ARFGEF2: variants seen among roughly 807,000 people sequenced by gnomAD.
The protein encoded by ARFGEF2 is brefeldin A-inhibited guanine nucleotide-exchange protein 2.
A neutral mutation model predicts 219.9 loss-of-function variants in ARFGEF2; 74 were observed. The observed-to-expected ratio is 0.34, with a 90% CI of 0.28 to 0.41. The LOEUF is 0.41. ARFGEF2 is among the 10% of genes least tolerant of loss of function. The probability of loss-of-function intolerance (pLI) is 1.00; values close to 1 mark genes in which losing one functional copy is unlikely to be tolerated. For missense variants in ARFGEF2, 1,743 were observed against 2,218.3 expected (o/e 0.79, Z 4.30); for synonymous variants, 733 against 799.2 (o/e 0.92, Z 1.40).
At chr20:48,978,339 T>C (rs1200180065) in intron 14 of ARFGEF2, among the ~76,000 whole-genome samples, 1 of 152,246 alleles carries the variant, frequency 6.6e-6, no homozygotes, top group Non-Finnish European at 1.5e-5. Flanking sequence ...TCTGTCTCTC[T>C]GTTTTGGTAC....
chr20:49,012,668 G>A (rs529857224), intron 28 of ARFGEF2, among the ~76,000 whole-genome samples: 1 of 152,250 alleles, frequency 6.6e-6, no homozygotes, highest in African/African-American at 2.4e-5. Flanking sequence ...CTATAAACCT[G>A]TAAGGTGATA....
chr20:48,926,650 G>T (rs985081599), intron 1 of ARFGEF2, among the ~76,000 whole-genome samples: 1 of 152,006 alleles, frequency 6.6e-6, no homozygotes, highest in African/African-American at 2.4e-5. Context: ...TAGAGACGGG[G>T]TTTTTCTGTT....
intron 20 of ARFGEF2, 90 bp from the exon 21 acceptor site, chr20:48,990,950 C>A: frequency 1.4e-6 from 2 of 1,412,288 alleles, no homozygotes; most frequent in Non-Finnish European, 2.0e-6. Context: ...CAAAAAGTAT[C>A]AGAGAAGCCC....
Position 48,976,089 on chromosome 20 carries a change from G to C in ARFGEF2, c.1848G>C (p.Thr616=), listed in dbSNP as rs1447634910. 1 of 1,613,366 alleles carries C rather than the reference G, an allele frequency of 6.2e-7. No homozygotes were observed. The highest frequency in any genetic ancestry group is 1.1e-5 in the South Asian group (1 of 91,044). Residue 616 remains threonine, a synonymous_variant, in exon 14 of 39, where the codon ACG becomes ACC. Coordinates refer to ENST00000371917, the MANE Select transcript of ARFGEF2 (RefSeq NM_006420.3). Reference sequence around the variant, plus strand: ...ACATGGCAAGACGGTGTAGTGTGACGTCCATGGAGTCCACAGTGTCCTCGG... The same window carrying C: ...ACATGGCAAGACGGTGTAGTGTGACCTCCATGGAGTCCACAGTGTCCTCGG... ...GLDMARRCSV[T]SMESTVSSGT...
intron 14 of ARFGEF2, among the ~76,000 whole-genome samples, chr20:48,983,350 G>C (rs773888663): frequency 6.6e-6 from 1 of 152,094 alleles, no homozygotes; most frequent in Non-Finnish European, 1.5e-5. Flanking sequence ...ACTTGTAAAT[G>C]ATTAGTTAAC....
In ARFGEF2 at chr20:49,034,875, C is replaced by G. The variant is rs1164680323; in HGVS notation, c.*1676C>G. The G allele has an allele frequency of 1.3e-5, 2 of 151,984 alleles. No homozygotes were observed. Among genetic ancestry groups the G allele is most frequent in the African/African-American group, 4.8e-5 (2 of 41,376 alleles). The allele number at this position is 151,984 out of a possible 1,614,324, so 9.4% of individuals were successfully genotyped here. A position where few individuals can be genotyped will look rare whatever the true frequency, so the allele number is the denominator to read the frequency against. Reference sequence around the variant, plus strand: ...CAAAAAGTGTTTTTTAATTTCTCTACCAAAGAAAAAATGAGCAGGTTTAGG... The same window carrying G: ...CAAAAAGTGTTTTTTAATTTCTCTAGCAAAGAAAAAATGAGCAGGTTTAGG... On this transcript the variant is annotated 3_prime_UTR_variant, in exon 39 of 39. Transcript: ENST00000371917.
chr20:48,939,765 G>A (rs962717269), intron 1 of ARFGEF2, among the ~76,000 whole-genome samples: 12 of 152,202 alleles, frequency 7.9e-5, no homozygotes, highest in African/African-American at 2.4e-5. Flanking sequence ...ATTAGAAATT[G>A]CTACTTCCAG....
intron 18 of ARFGEF2, 39 bp downstream of exon 18, chr20:48,988,701 T>G: frequency 6.3e-7 from 1 of 1,590,484 alleles, no homozygotes; most frequent in Non-Finnish European, 8.6e-7. Context: ...TAGTTCTAAT[T>G]TTTTAGTGTA....
At chr20:48,982,903 T>C (rs993123150) in intron 14 of ARFGEF2, among the ~76,000 whole-genome samples, 1 of 152,210 alleles carries the variant, frequency 6.6e-6, no homozygotes, top group Non-Finnish European at 1.5e-5. Flanking sequence ...CAGTCTGTCA[T>C]GGCTTCCCTT....
chr20:48,963,988 C>A, intron 7 of ARFGEF2, 90 bp downstream of exon 7: 1 of 1,203,954 alleles, frequency 8.3e-7, no homozygotes, highest in Non-Finnish European at 1.2e-6. Flanking sequence ...GTTTCCTCTT[C>A]CCTGCCCTAA....
chr20:48,988,611 G>A lies in ARFGEF2; in HGVS notation c.2482G>A (p.Ala828Thr), dbSNP rs2091339846. 1.9e-6 allele frequency: 3 copies of A among 1,613,640 alleles called. No homozygotes were observed. Among genetic ancestry groups the A allele is most frequent in the African/African-American group, 1.3e-5 (1 of 74,906 alleles). ...IYEEIEGKKIAMKETKELTIA... is the reference protein window; with the variant it reads ...IYEEIEGKKITMKETKELTIA... Reference sequence around the variant, plus strand: ...TGAAGAGATAGAAGGCAAGAAAATTGCAATGAAAGAAACAAAAGAGCTAAC... The same window carrying A: ...TGAAGAGATAGAAGGCAAGAAAATTACAATGAAAGAAACAAAAGAGCTAAC... Residue 828 changes from alanine (A) to threonine (T), a missense_variant, in exon 18 of 39, where the codon GCA (alanine) becomes ACA (threonine). Around this residue, in one of 5 missense-constraint regions of ARFGEF2, gnomAD observed 666 missense variants for 955.4 expected, o/e 0.70. Transcript: ENST00000371917.
At chr20:48,994,694 T>C in intron 22 of ARFGEF2, 96 bp downstream of exon 22, 8 of 1,542,558 alleles carry the variant, frequency 5.2e-6, no homozygotes, top group Non-Finnish European at 6.1e-6. Context: ...GTAAACCGTC[T>C]CTTCCTTTTG....
At chr20:48,985,029 A>G (rs1458359558) in intron 15 of ARFGEF2, among the ~76,000 whole-genome samples, 189 bp downstream of exon 15, 1 of 152,104 alleles carries the variant, frequency 6.6e-6, no homozygotes, top group African/African-American at 2.4e-5. Context: ...TGTTGCAGAA[A>G]GCTCTTTGAT....
chr20:48,974,118 A>ATTTTTTTTTTTTTTTT (rs57941437), intron 12 of ARFGEF2, among the ~76,000 whole-genome samples: 2 of 70,066 alleles, frequency 2.9e-5, no homozygotes, highest in Non-Finnish European at 5.0e-5. Flanking sequence ...TTGAGTGTGA[A>ATTTTTTTTTTTTTTTT]TTTTTTTTTT....
rs544120213 is a variant in ARFGEF2 at position 48,950,004 on chromosome 20, G to A, written c.277-1319G>A. ...CCACCTGGAAGTTCTGCTTCAGTAG[G>A]TCTGGGTCGGAGTCCAGGAACCTGT... On this transcript the variant is annotated intron_variant, in intron 3 of 38. Transcript: ENST00000371917. 1.4e-4 allele frequency among the ~76,000 whole-genome samples: 21 copies of A among 152,280 alleles called. No homozygotes were observed. The South Asian group carries it at 4.4e-3, about 32-fold the overall frequency.
chr20:48,929,538 T>C (rs1277029167), intron 1 of ARFGEF2, among the ~76,000 whole-genome samples: 1 of 147,884 alleles, frequency 6.8e-6, no homozygotes, highest in Non-Finnish European at 1.5e-5. Context: ...GTTCAGAGGA[T>C]ATGCCCTCTA....
At chr20:49,009,849 C>G (rs2091485519) in intron 26 of ARFGEF2, among the ~76,000 whole-genome samples, 1 of 152,198 alleles carries the variant, frequency 6.6e-6, no homozygotes, top group Admixed American at 6.6e-5. Flanking sequence ...GCCAGAAAAA[C>G]TGACCAGCAG....
At chr20:49,023,648 C>T (rs1274863656) in intron 35 of ARFGEF2, among the ~76,000 whole-genome samples, 1 of 150,890 alleles carries the variant, frequency 6.6e-6, no homozygotes, top group Non-Finnish European at 1.5e-5. Flanking sequence ...ACGCCATTCT[C>T]CTGCCTCAGC....
chr20:48,959,271 T>C lies in ARFGEF2; in HGVS notation c.839-4559T>C, dbSNP rs553748604. ...GGAATGTATGATACAGATTGGAAAC[T>C]GTCACCATAATTTTATTAATATCAT... is the stretch of plus-strand genomic sequence containing the variant. On this transcript the variant is annotated intron_variant, in intron 6 of 38. Transcript: ENST00000371917. Among the ~76,000 whole-genome samples the C allele has an allele frequency of 2.0e-5, 3 of 152,070 alleles. No homozygotes were observed. The South Asian group carries it at 6.2e-4, about 32-fold the overall frequency.
Sources: gnomAD v4.1 joint callset for allele counts (sites outside exome capture counted in the v4.1 genomes callset) on GRCh38, gnomAD v4.1.1 for gene constraint, gnomAD v4.1.1 regional missense constraint, MANE v1.5 for transcripts, NCBI Gene and HGNC (gene_info 2026-07-23, HGNC 2026-07-21) for gene names.